MTDH: variants seen among roughly 807,000 people sequenced by gnomAD.
MTDH encodes protein LYRIC.
A neutral mutation model predicts 72.7 loss-of-function variants in MTDH; 34 were observed. The ratio of observed to expected loss-of-function variants is 0.47; its 90% CI spans 0.36 to 0.62. The LOEUF is 0.62. Ranked by LOEUF, MTDH falls within the 20% of genes least tolerant of loss-of-function variation. The probability of loss-of-function intolerance (pLI) is 0.00; values close to 1 mark genes in which losing one functional copy is unlikely to be tolerated. For synonymous variants in MTDH, 266 were observed against 268.9 expected (o/e 0.99, Z 0.10); for missense variants, 677 against 699.4 (o/e 0.97, Z 0.36).
intron 2 of MTDH, among the ~76,000 whole-genome samples, chr8:97,678,502 G>C (rs891221132): frequency 6.6e-6 from 1 of 150,376 alleles, no homozygotes; most frequent in Non-Finnish European, 1.5e-5. Flanking sequence ...AAAATACTTT[G>C]ATAAAGCTGA....
intron 10 of MTDH, among the ~76,000 whole-genome samples, chr8:97,720,716 C>T (rs1481498763): frequency 1.3e-5 from 2 of 149,510 alleles, no homozygotes; most frequent in East Asian, 3.9e-4. Context: ...ACGCAATCCG[C>T]AATCTCGGCT....
intron 6 of MTDH, among the ~76,000 whole-genome samples, chr8:97,691,593 T>C (rs1265834602): frequency 2.0e-5 from 3 of 152,222 alleles, no homozygotes; most frequent in African/African-American, 7.2e-5. Flanking sequence ...ATGGTGCCTA[T>C]TTATAATTAA....
In MTDH at chr8:97,687,569, A is replaced by G. The variant is rs1039295288; in HGVS notation, c.709A>G (p.Thr237Ala). The change falls in exon 4 of 12, where the codon ACC (threonine) becomes GCC (alanine). Residue 237 changes from threonine (T) to alanine (A), a missense_variant. Thr to Ala is a moderately conservative substitution (Grantham distance 58). Around this residue, in one of 3 missense-constraint regions of MTDH, gnomAD observed 467 missense variants for 469.1 expected, o/e 1.00. Coordinates refer to ENST00000336273, the MANE Select transcript of MTDH (RefSeq NM_178812.4). ...TITVTTEQLT[T>A]ASFPVGSKKN... is the part of the protein sequence containing the mutation. Reference sequence around the variant, plus strand: ...CACAGTTACCACCGAGCAACTTACAACCGCATCATTTCCTGTTGGTTCCAA... The same window carrying G: ...CACAGTTACCACCGAGCAACTTACAGCCGCATCATTTCCTGTTGGTTCCAA... The G allele has an allele frequency of 1.2e-6, 2 of 1,611,488 alleles. No individual in the cohort carries two copies. Among genetic ancestry groups the G allele is most frequent in the African/African-American group, 2.7e-5 (2 of 74,770 alleles).
intron 10 of MTDH, 39 bp from the exon 11 acceptor site, chr8:97,722,840 T>C: frequency 6.4e-7 from 1 of 1,569,766 alleles, no homozygotes. Flanking sequence ...TATTTGAAAA[T>C]TTCACCAAAA....
In MTDH at chr8:97,696,826, A is replaced by G. The variant is rs572491106; in HGVS notation, c.1049-2928A>G. Among the ~76,000 whole-genome samples the G allele has an allele frequency of 9.9e-5, 15 of 152,072 alleles. No homozygotes were observed. In the South Asian group the frequency reaches 2.9e-3, roughly 30 times the overall value. On this transcript the variant is annotated intron_variant, in intron 6 of 11. Coordinates refer to ENST00000336273, the MANE Select transcript of MTDH (RefSeq NM_178812.4). ...TACATGTATTTAACAAATATTACAT[A>G]AATATGGGAGGCCAGGTGTGGTGGC... is the stretch of plus-strand genomic sequence containing the variant.
Position 97,713,787 on chromosome 8 carries a change from C to A in MTDH, c.1380+18C>A. On this transcript the variant is annotated intron_variant, in intron 9 of 11. Transcript: ENST00000336273. ...CTGCACAGGTAAAATGTCAGAACAA[C>A]AAGCATTCATTAAGCGCCTCCGGCT... is the stretch of plus-strand genomic sequence containing the variant. 1 of 1,463,508 alleles carries A rather than the reference C, an allele frequency of 6.8e-7. No individual in the cohort carries two copies. Among genetic ancestry groups the A allele is most frequent in the Non-Finnish European group, 9.2e-7 (1 of 1,081,958 alleles). 90.7% of individuals were successfully genotyped at this position (1,463,508 alleles called of 1,614,324 possible).
intron 6 of MTDH, among the ~76,000 whole-genome samples, chr8:97,692,499 A>G (rs977449864): frequency 5.3e-5 from 8 of 151,830 alleles, no homozygotes; most frequent in African/African-American, 1.7e-4. Context: ...CAGCCTCCCA[A>G]GTAGCTGGGA....
chr8:97,694,475 G>A (rs906419777), intron 6 of MTDH, among the ~76,000 whole-genome samples: 5 of 152,080 alleles, frequency 3.3e-5, no homozygotes, highest in Non-Finnish European at 5.9e-5. Context: ...GGGATTACAC[G>A]TGTGAGCCAC....
At chr8:97,698,896 A>T (rs1004710539) in intron 6 of MTDH, among the ~76,000 whole-genome samples, 1 of 152,192 alleles carries the variant, frequency 6.6e-6, no homozygotes, top group African/African-American at 2.4e-5. Flanking sequence ...TAATCCCAGC[A>T]CTTTGGGAGG....
chr8:97,684,717 G>A (rs970601542), intron 2 of MTDH, among the ~76,000 whole-genome samples: 1 of 152,234 alleles, frequency 6.6e-6, no homozygotes, highest in African/African-American at 2.4e-5. Flanking sequence ...ATGGTTGCCA[G>A]TGAGAAAAGA....
chr8:97,690,896 C>A, intron 5 of MTDH, 56 bp from the exon 6 acceptor site: 1 of 1,209,172 alleles, frequency 8.3e-7, no homozygotes, highest in Non-Finnish European at 1.2e-6. Context: ...GTGAAAATAT[C>A]CCAGTTTTAA....
At chr8:97,662,977 ACTTTGT>A (rs1003135732) in intron 2 of MTDH, among the ~76,000 whole-genome samples, 4 of 152,054 alleles carry the variant, frequency 2.6e-5, no homozygotes, top group South Asian at 2.1e-4. Context: ...TTTATGTCTG[ACTTTGT>A]CTTTGGCAGA....
At chr8:97,714,952 A>G (rs1376806482) in intron 9 of MTDH, among the ~76,000 whole-genome samples, 1 of 151,938 alleles carries the variant, frequency 6.6e-6, no homozygotes, top group Non-Finnish European at 1.5e-5. Flanking sequence ...CAGCTTCCCA[A>G]GTAGCTAGGA....
chr8:97,649,307 C>T (rs1446419220), intron 1 of MTDH, among the ~76,000 whole-genome samples: 1 of 152,188 alleles, frequency 6.6e-6, no homozygotes, highest in East Asian at 1.9e-4. Flanking sequence ...TTAGACTGTT[C>T]TAACATCATC....
At chr8:97,645,574 G>A (rs957631422) in intron 1 of MTDH, among the ~76,000 whole-genome samples, 8 of 152,146 alleles carry the variant, frequency 5.3e-5, no homozygotes, top group Non-Finnish European at 1.0e-4. Context: ...GAACGAGTCT[G>A]TTGCACACTC....
chr8:97,664,017 C>G (rs1176543807), intron 2 of MTDH, among the ~76,000 whole-genome samples: 10 of 152,104 alleles, frequency 6.6e-5, no homozygotes, highest in Admixed American at 6.6e-4. Context: ...CCCCATTTTA[C>G]AGATAAGGGC....
intron 1 of MTDH, 57 bp downstream of exon 1, chr8:97,644,944 C>G (rs550432304): frequency 3.4e-6 from 5 of 1,472,548 alleles, no homozygotes; most frequent in South Asian, 1.4e-5. Flanking sequence ...TGGAGACCCT[C>G]GAGCTTGGGG....
chr8:97,715,317 G>A (rs1294791369), intron 9 of MTDH, among the ~76,000 whole-genome samples: 1 of 146,482 alleles, frequency 6.8e-6, no homozygotes, highest in Admixed American at 6.8e-5. Context: ...TAGTAGAGAG[G>A]GGATTTCACC....
Position 97,644,420 on chromosome 8 carries a change from G to C in MTDH, c.-87G>C. ...GATGCGCTCGGCCTGAGGTTACCCG[G>C]CCCGGCCCTTCCTCGCTTCCCTCGA... On this transcript the variant is annotated 5_prime_UTR_variant, in exon 1 of 12. Coordinates refer to ENST00000336273, the MANE Select transcript of MTDH (RefSeq NM_178812.4). 6.8e-7 allele frequency: 1 copy of C among 1,479,114 alleles called. No individual in the cohort carries two copies. The highest frequency in any genetic ancestry group is 2.4e-4 in the Middle Eastern group (1 of 4,164). The allele number at this position is 1,479,114 out of a possible 1,614,324, so 91.6% of individuals were successfully genotyped here. A position where few individuals can be genotyped will look rare whatever the true frequency, so the allele number is the denominator to read the frequency against.
Sources: allele counts gnomAD v4.1 joint callset (sites outside exome capture counted in the v4.1 genomes callset), GRCh38; gene constraint gnomAD v4.1.1; regional missense constraint gnomAD v4.1.1; transcripts MANE v1.5; gene names NCBI Gene and HGNC (gene_info 2026-07-23, HGNC 2026-07-21).